Variants in SVIL observed in about 807,000 individuals in gnomAD.
SVIL encodes archvillin.
In SVIL, 101 loss-of-function variants were observed where a neutral mutation model predicts 240.4. That is an observed-to-expected ratio of 0.42 (90% CI 0.36 to 0.50). The LOEUF is 0.50. SVIL is among the 20% of genes least tolerant of loss of function. The pLI, the probability that SVIL is intolerant of heterozygous loss-of-function variation, is 0.01. For missense variants in SVIL, 2,512 were observed against 2,818.7 expected (o/e 0.89, Z 2.46); for synonymous variants, 999 against 1,100.0 (o/e 0.91, Z 1.82).
intron 2 of SVIL, among the ~76,000 whole-genome samples, chr10:29,670,349 A>G (rs1233704544): frequency 6.6e-6 from 1 of 152,234 alleles, no homozygotes; most frequent in African/African-American, 2.4e-5. Flanking sequence ...TTTCCAGCAA[A>G]GCTAATAAAA....
At chr10:29,550,531 A>G in intron 6 of SVIL, 66 bp downstream of exon 6, 1 of 1,465,092 alleles carries the variant, frequency 6.8e-7, no homozygotes, top group African/African-American at 1.4e-5. Context: ...AAACCCTATC[A>G]CACAGAGAGG....
intron 29 of SVIL, among the ~76,000 whole-genome samples, chr10:29,477,674 T>A (rs1284368346): frequency 6.6e-6 from 1 of 152,208 alleles, no homozygotes; most frequent in African/African-American, 2.4e-5. Context: ...GCAAGTGCCA[T>A]CGGGCTGTGC....
At chr10:29,628,277 G>A (rs560275936) in intron 1 of SVIL, among the ~76,000 whole-genome samples, 9 of 152,212 alleles carry the variant, frequency 5.9e-5, no homozygotes, top group Admixed American at 3.9e-4. Context: ...TGGCTGGAGC[G>A]GTTTGTTTGT....
intron 29 of SVIL, among the ~76,000 whole-genome samples, chr10:29,479,737 T>G (rs1946617793): frequency 6.6e-6 from 1 of 152,202 alleles, no homozygotes; most frequent in Non-Finnish European, 1.5e-5. Flanking sequence ...TGCCTGTGCT[T>G]CCTGTGGCCC....
intron 29 of SVIL, 141 bp from the exon 30 acceptor site, chr10:29,474,130 C>T (rs1945902720): frequency 2.5e-6 from 3 of 1,183,850 alleles, no homozygotes; most frequent in East Asian, 2.6e-5. Context: ...ACCGTTGGCA[C>T]CTGGAGGGAA....
intron 2 of SVIL, among the ~76,000 whole-genome samples, chr10:29,675,751 T>C (rs79175838): frequency 0.012 from 1,833 of 152,334 alleles, 30 homozygotes; most frequent in African/African-American, 0.041. Context: ...CGCCCAAGTG[T>C]TACACAAAGA....
chr10:29,466,751 A>G (rs1042393939), intron 33 of SVIL, among the ~76,000 whole-genome samples: 6 of 152,210 alleles, frequency 3.9e-5, no homozygotes, highest in African/African-American at 1.4e-4. Context: ...AAAACAGTAG[A>G]TCCACATATT....
chr10:29,706,446 A>T (rs765243317), intron 1 of SVIL, among the ~76,000 whole-genome samples: 24 of 152,264 alleles, frequency 1.6e-4, no homozygotes, highest in Admixed American at 2.6e-4. Context: ...GGCTGCATAC[A>T]TGTCTTCTTT....
chr10:29,575,371 C>T (rs1362737352), intron 1 of SVIL: 13 of 216,702 alleles, frequency 6.0e-5, no homozygotes, highest in Non-Finnish European at 1.2e-4. Flanking sequence ...AGTAGGATTA[C>T]ACTGAGGCCC....
intron 1 of SVIL, among the ~76,000 whole-genome samples, chr10:29,719,301 G>A (rs993130957): frequency 6.6e-6 from 1 of 152,120 alleles, no homozygotes; most frequent in African/African-American, 2.4e-5. Context: ...GGAACACTCG[G>A]TATAAACGGG....
At chr10:29,699,397 G>T (rs896463755) in intron 1 of SVIL, among the ~76,000 whole-genome samples, 2 of 152,044 alleles carry the variant, frequency 1.3e-5, no homozygotes, top group Non-Finnish European at 2.9e-5. Flanking sequence ...TGCCTCCCTG[G>T]GTTCAAGCAA....
chr10:29,622,799 A>G (rs757211864), intron 1 of SVIL, among the ~76,000 whole-genome samples: 3 of 152,122 alleles, frequency 2.0e-5, no homozygotes, highest in Non-Finnish European at 4.4e-5. Context: ...TAGTTCCCCA[A>G]ACCACTCTGT....
intron 3 of SVIL, among the ~76,000 whole-genome samples, chr10:29,648,690 C>A (rs1958743569): frequency 6.6e-6 from 1 of 152,134 alleles, no homozygotes; most frequent in African/African-American, 2.4e-5. Flanking sequence ...GCCAAGAAAG[C>A]CCTGCAGCCA....
At chr10:29,660,792 C>T (rs1032502901) in intron 2 of SVIL, among the ~76,000 whole-genome samples, 8 of 152,236 alleles carry the variant, frequency 5.3e-5, no homozygotes, top group Admixed American at 2.6e-4. Flanking sequence ...CAGCAATCGC[C>T]TTGGGGCTCT....
At chr10:29,605,032 G>A (rs766522120) in intron 1 of SVIL, among the ~76,000 whole-genome samples, 1 of 152,200 alleles carries the variant, frequency 6.6e-6, no homozygotes, top group Non-Finnish European at 1.5e-5. Flanking sequence ...TTTCTTGTTT[G>A]TCCTTATGGA....
At chr10:29,705,566 C>A (rs1962830599) in intron 1 of SVIL, among the ~76,000 whole-genome samples, 1 of 151,902 alleles carries the variant, frequency 6.6e-6, no homozygotes, top group Non-Finnish European at 1.5e-5. Context: ...GTTTGCTGTG[C>A]CTATCAACCC....
chr10:29,619,059 A>G (rs1460127187), intron 1 of SVIL, among the ~76,000 whole-genome samples: 1 of 152,206 alleles, frequency 6.6e-6, no homozygotes, highest in Non-Finnish European at 1.5e-5. Context: ...ATAATCAAAC[A>G]CAGAACAAAC....
intron 7 of SVIL, among the ~76,000 whole-genome samples, chr10:29,535,152 A>G (rs1951652180): frequency 6.6e-6 from 1 of 152,214 alleles, no homozygotes; most frequent in East Asian, 1.9e-4. Flanking sequence ...GTGTATCTAT[A>G]TATGTGTCAT....
chr10:29,736,373 G>A (rs376847491), upstream of SVIL, among the ~76,000 whole-genome samples: 1 of 152,238 alleles, frequency 6.6e-6, no homozygotes, highest in African/African-American at 2.4e-5. Context: ...ACGCCCCCCC[G>A]GTCCCAGGGC....
Sources: gnomAD v4.1 joint callset for allele counts (sites outside exome capture counted in the v4.1 genomes callset) on GRCh38, gnomAD v4.1.1 for gene constraint, MANE v1.5 for transcripts, NCBI Gene and HGNC (gene_info 2026-07-23, HGNC 2026-07-21) for gene names.